TRADD: variants seen among roughly 807,000 people sequenced by gnomAD.
TRADD encodes TNFRSF1A associated via death domain.
TRADD carries 14 observed loss-of-function variants against 31.5 expected under a neutral mutation model. The observed-to-expected ratio is 0.44, with a 90% confidence interval of 0.29 to 0.69. The LOEUF (loss-of-function observed/expected upper bound fraction) is 0.69, where lower values mean the gene tolerates loss of function less well. TRADD is among the 30% of genes least tolerant of loss of function. The pLI is 0.11. For synonymous variants in TRADD, 220 were observed against 215.8 expected (o/e 1.02, Z -0.17); for missense variants, 388 against 435.7 (o/e 0.89, Z 0.97).
chr16:67,157,361 G>T (rs1258401438), intron 1 of TRADD, among the ~76,000 whole-genome samples: 2 of 152,202 alleles, frequency 1.3e-5, no homozygotes, highest in Non-Finnish European at 2.9e-5. Context: ...TCAGGGCGGG[G>T]TATAGGACTT....
intron 4 of TRADD, 23 bp downstream of exon 4, chr16:67,155,073 C>T: frequency 6.5e-7 from 1 of 1,545,234 alleles, no homozygotes; most frequent in Non-Finnish European, 8.7e-7. Context: ...CCTGGTGACC[C>T]CGCCTCTCCA....
chr16:67,157,721 G>T (rs1252960377), intron 1 of TRADD, among the ~76,000 whole-genome samples: 1 of 152,074 alleles, frequency 6.6e-6, no homozygotes, highest in African/African-American at 2.4e-5. Flanking sequence ...TCCAGAAAAA[G>T]CCAGGGCCCC....
At chr16:67,157,588 G>A (rs567792129) in intron 1 of TRADD, among the ~76,000 whole-genome samples, 9 of 152,272 alleles carry the variant, frequency 5.9e-5, no homozygotes, top group Non-Finnish European at 1.0e-4. Context: ...GGATCCAGCC[G>A]TCCCTGAAGC....
Position 67,156,486 on chromosome 16 carries a change from C to T in TRADD, c.151+24G>A, listed in dbSNP as rs772859842. ...AATGCTCCAGGCCACCCCTTCCTCT[C>T]CACATGCCCGCCCATCCACGCACCT... On this transcript the variant is annotated intron_variant, in intron 2 of 4. Transcript: ENST00000345057. This position sits in a 1 kb window ranked among gnomAD's most constrained non-coding sequence, Gnocchi z 4.6. 4 of 1,608,602 alleles carry T rather than the reference C, an allele frequency of 2.5e-6. No individual in the cohort carries two copies. Among genetic ancestry groups the T allele is most frequent in the African/African-American group, 1.3e-5 (1 of 75,040 alleles).
intron 1 of TRADD, among the ~76,000 whole-genome samples, chr16:67,158,827 G>C (rs1339536334): frequency 6.6e-6 from 1 of 152,148 alleles, no homozygotes; most frequent in Admixed American, 6.5e-5. Context: ...GAGAGAGTGG[G>C]AACTTCCCCT....
chr16:67,154,538 G>C lies in TRADD; in HGVS notation c.*111C>G. ...CAACTCTGCCCCAGCAGGTCCAGCA[G>C]ATAGGCCAAGTGGAGTTTCAGGGTC... On this transcript the variant is annotated 3_prime_UTR_variant, in exon 5 of 5. Transcript: ENST00000345057. The surrounding 1 kb of genome is among the most constrained non-coding windows in gnomAD (Gnocchi z 5.2). 1 of 1,366,782 alleles carries C rather than the reference G, an allele frequency of 7.3e-7. No homozygotes were observed. The highest frequency in any genetic ancestry group is 1.0e-6 in the Non-Finnish European group (1 of 994,670). 84.7% of individuals were successfully genotyped at this position (1,366,782 alleles called of 1,614,324 possible).
chr16:67,158,950 C>A (rs1372499724), intron 1 of TRADD, among the ~76,000 whole-genome samples: 2 of 152,094 alleles, frequency 1.3e-5, no homozygotes, highest in South Asian at 2.1e-4. Flanking sequence ...CATTGTCTGC[C>A]CATCAGGTCT....
chr16:67,157,332 C>A lies in TRADD; in HGVS notation c.-8-664G>T, dbSNP rs1055864069. On this transcript the variant is annotated intron_variant, in intron 1 of 4. Transcript: ENST00000345057. ...CTGGCCAATCTGCATATTCCATTCA[C>A]ATTTCTGCAGTGATTAGTTCAGGGC... Among the ~76,000 whole-genome samples, 3 of 152,192 alleles carry A rather than the reference C, an allele frequency of 2.0e-5. No homozygotes were observed. In the East Asian group the frequency reaches 5.8e-4, roughly 29 times the overall value.
chr16:67,157,761 A>G (rs1036647296), intron 1 of TRADD, among the ~76,000 whole-genome samples: 8 of 152,144 alleles, frequency 5.3e-5, no homozygotes, highest in African/African-American at 1.9e-4. Flanking sequence ...TCCTTCCTCC[A>G]TCTTCTGACA....
Position 67,155,505 on chromosome 16 carries a change from T to C in TRADD, c.301A>G (p.Arg101Gly), listed in dbSNP as rs1483195836. The change falls in exon 3 of 5, where the codon AGG becomes GGG. Residue 101 changes from arginine to glycine, a missense_variant. Coordinates refer to ENST00000345057, the MANE Select transcript of TRADD (RefSeq NM_003789.4). Reference sequence around the variant, plus strand: ...TGGGCGAGCGCGGCCGCCAGGCTCCTCTGCAGCGCGGCGCGCAGCGCCCCC... The same window carrying C: ...TGGGCGAGCGCGGCCGCCAGGCTCCCCTGCAGCGCGGCGCGCAGCGCCCCC... ...REGALRAALQRSLAAALAQHS... is the reference protein window; with the variant it reads ...REGALRAALQGSLAAALAQHS... 2 of 1,537,772 alleles carry C rather than the reference T, an allele frequency of 1.3e-6. No individual in the cohort carries two copies. Among genetic ancestry groups the C allele is most frequent in the East Asian group, 2.5e-5 (1 of 40,572 alleles).
Position 67,154,814 on chromosome 16 carries a change from G to A in TRADD, c.774C>T (p.Arg258=), listed in dbSNP as rs1158150628. 1.9e-6 allele frequency: 3 copies of A among 1,593,446 alleles called. No individual in the cohort carries two copies. The highest frequency in any genetic ancestry group is 1.1e-5 in the South Asian group (1 of 88,610). The part of the protein sequence containing the change: ...ALDSLAYEYE[R]EGLYEQAFQL... The stretch of plus-strand genomic sequence containing the variant: ...GGAAGGCCTGCTCGTACAGTCCCTC[G>A]CGCTCGTACTCGTAGGCCAGCGAGT... Residue 258 remains arginine (R), a synonymous_variant, in exon 5 of 5, where the codon CGC becomes CGT. Transcript: ENST00000345057. This position sits in a 1 kb window ranked among gnomAD's most constrained non-coding sequence, Gnocchi z 5.2.
intron 3 of TRADD, 37 bp downstream of exon 3, chr16:67,155,340 C>G: frequency 6.2e-7 from 1 of 1,605,626 alleles, no homozygotes; most frequent in Non-Finnish European, 8.5e-7. Flanking sequence ...ACCGCGGATC[C>G]CCGCCCTACC....
intron 1 of TRADD, among the ~76,000 whole-genome samples, chr16:67,158,120 A>C (rs1297047162): frequency 6.6e-6 from 1 of 152,192 alleles, no homozygotes; most frequent in African/African-American, 2.4e-5. Context: ...GGCCTCCCAA[A>C]GTGCTGCGAT....
Position 67,156,401 on chromosome 16 carries a change from C to A in TRADD, c.151+109G>T. The A allele has an allele frequency of 6.5e-7, 1 of 1,543,352 alleles. No homozygotes were observed. Among genetic ancestry groups the A allele is most frequent in the African/African-American group, 1.4e-5 (1 of 73,478 alleles). On this transcript the variant is annotated intron_variant, in intron 2 of 4. Coordinates refer to ENST00000345057, the MANE Select transcript of TRADD (RefSeq NM_003789.4). This position sits in a 1 kb window ranked among gnomAD's most constrained non-coding sequence, Gnocchi z 4.6. The stretch of plus-strand genomic sequence containing the variant: ...GTCTGCACAGCCAGGGGTCCTCCGT[C>A]TTGCTCCTCCCACCCCAAATCTTCT...
intron 1 of TRADD, among the ~76,000 whole-genome samples, chr16:67,158,334 T>A (rs924484823): frequency 6.6e-6 from 1 of 152,136 alleles, no homozygotes; most frequent in Non-Finnish European, 1.5e-5. Context: ...CCTGGCTAGT[T>A]TTTGTATTTT....
chr16:67,156,420 A>C lies in TRADD; in HGVS notation c.151+90T>G. 2 of 1,589,098 alleles carry C rather than the reference A, an allele frequency of 1.3e-6. No individual in the cohort carries two copies. Among genetic ancestry groups the C allele is most frequent in the Non-Finnish European group, 1.7e-6 (2 of 1,172,296 alleles). On this transcript the variant is annotated intron_variant, in intron 2 of 4. Transcript: ENST00000345057. The surrounding 1 kb of genome is among the most constrained non-coding windows in gnomAD (Gnocchi z 4.6). The stretch of plus-strand genomic sequence containing the variant: ...CTCCGTCTTGCTCCTCCCACCCCAA[A>C]TCTTCTTCTTAAAGGTGGCTAAACC...
At chr16:67,155,902 G>T in intron 2 of TRADD, 4 of 1,521,104 alleles carry the variant, frequency 2.6e-6, no homozygotes, top group South Asian at 1.2e-5. Flanking sequence ...CCGCTCTCAC[G>T]CCCCAAATGA....
In TRADD at chr16:67,156,155, G is replaced by A; in HGVS notation, c.151+355C>T. 1 of 1,372,914 alleles carries A rather than the reference G, an allele frequency of 7.3e-7. No individual in the cohort carries two copies. Among genetic ancestry groups the A allele is most frequent in the Non-Finnish European group, 9.6e-7 (1 of 1,043,916 alleles). The allele number at this position is 1,372,914 out of a possible 1,614,324, so 85.0% of individuals were successfully genotyped here. A position where few individuals can be genotyped will look rare whatever the true frequency, so the allele number is the denominator to read the frequency against. On this transcript the variant is annotated intron_variant, in intron 2 of 4. Coordinates refer to ENST00000345057, the MANE Select transcript of TRADD (RefSeq NM_003789.4). This position sits in a 1 kb window ranked among gnomAD's most constrained non-coding sequence, Gnocchi z 4.6. ...CCTCTGCCCTGAGATGGGAAAGGGG[G>A]GCCTGGAAGGGTAGGTACTGGGGAG... is the stretch of plus-strand genomic sequence containing the variant.
chr16:67,154,371 G>T lies in TRADD; in HGVS notation c.*278C>A. 1 of 563,636 alleles carries T rather than the reference G, an allele frequency of 1.8e-6. No individual in the cohort carries two copies. Among genetic ancestry groups the T allele is most frequent in the Non-Finnish European group, 3.2e-6 (1 of 313,606 alleles). 34.9% of individuals were successfully genotyped at this position (563,636 alleles called of 1,614,324 possible). ...CTTCATGAGTGAAACTGTAAGGGCT[G>T]GCTGTAAGCCCCGCTTCTGGGATGG... On this transcript the variant is annotated 3_prime_UTR_variant, in exon 5 of 5. Transcript: ENST00000345057. The surrounding 1 kb of genome is among the most constrained non-coding windows in gnomAD (Gnocchi z 5.2).
Sources: allele counts gnomAD v4.1 joint callset (sites outside exome capture counted in the v4.1 genomes callset), GRCh38; gene constraint gnomAD v4.1.1; non-coding constraint Gnocchi (gnomAD v3.1); transcripts MANE v1.5; gene names NCBI Gene and HGNC (gene_info 2026-07-23, HGNC 2026-07-21).